Variants in GTSF1 observed in about 807,000 individuals in gnomAD.
GTSF1 encodes gametocyte specific factor 1.
Under a neutral mutation model 28.9 loss-of-function variants are expected in GTSF1, and 11 were observed. The observed-to-expected ratio is 0.38, with a 90% confidence interval of 0.24 to 0.63. The LOEUF (loss-of-function observed/expected upper bound fraction) is 0.63. Ranked by LOEUF, GTSF1 falls within the 30% of genes least tolerant of loss-of-function variation. The pLI, the probability that GTSF1 is intolerant of heterozygous loss-of-function variation, is 0.56. For missense variants in GTSF1, 146 were observed against 201.0 expected (o/e 0.73, Z 1.66); for synonymous variants, 69 against 65.6 (o/e 1.05, Z -0.25).
chr12:54,469,459 T>G (rs1008465460), intron 2 of GTSF1, among the ~76,000 whole-genome samples: 4 of 151,418 alleles, frequency 2.6e-5, no homozygotes, highest in African/African-American at 4.9e-5. Flanking sequence ...AGGCCAAGGT[T>G]GGTGGATCAC....
At chr12:54,459,160 T>C (rs934636592) in intron 7 of GTSF1, 35 bp from the exon 8 acceptor site, 3 of 1,587,208 alleles carry the variant, frequency 1.9e-6, no homozygotes, top group Admixed American at 1.7e-5. Flanking sequence ...AAATACACCA[T>C]GTCAATTGAA....
intron 2 of GTSF1, 52 bp from the exon 3 acceptor site, chr12:54,465,219 A>G: frequency 1.7e-6 from 2 of 1,197,298 alleles, no homozygotes; most frequent in South Asian, 1.2e-5. Context: ...CCCTTGTAAA[A>G]CTACAGCATT....
intron 1 of GTSF1, chr12:54,471,669 T>C (rs1263328310): frequency 1.3e-5 from 2 of 152,984 alleles, no homozygotes; most frequent in African/African-American, 4.8e-5. Context: ...TAAATATCCA[T>C]ATAATATTTA....
In GTSF1 at chr12:54,463,213, TATG is replaced by T; in HGVS notation, c.199_201del (p.His67del). ...CAACTTCTGTCATCACAGCTTGAGA[TATG>T]ATGACTAATTTCAGCTCGAGGAACC... On this transcript the variant is annotated inframe_deletion, in exon 4 of 9. Coordinates refer to ENST00000305879, the MANE Select transcript of GTSF1 (RefSeq NM_144594.3). The T allele has an allele frequency of 6.2e-7, 1 of 1,614,046 alleles. No individual in the cohort carries two copies. Among genetic ancestry groups the T allele is most frequent in the Non-Finnish European group, 8.5e-7 (1 of 1,179,888 alleles).
At chr12:54,465,274 A>G in intron 2 of GTSF1, 107 bp from the exon 3 acceptor site, 1 of 605,134 alleles carries the variant, frequency 1.7e-6, no homozygotes, top group East Asian at 2.8e-5. Flanking sequence ...ATAATAGAAC[A>G]ATATAGTCTA....
rs61663475 is a variant in GTSF1, at chr12:54,471,481, T to C, written c.-29-204A>G. The stretch of plus-strand genomic sequence containing the variant: ...AACATCATGGCCTAATTCACATTCT[T>C]GGAATAAATTCTAGGGCCTACCAAA... On this transcript the variant is annotated intron_variant, in intron 1 of 8. Coordinates refer to ENST00000305879, the MANE Select transcript of GTSF1 (RefSeq NM_144594.3). Among the ~76,000 whole-genome samples, 369 of 152,296 alleles carry C rather than the reference T, an allele frequency of 2.4e-3. 2 individuals are homozygous for C. Among genetic ancestry groups the C allele is most frequent in the African/African-American group, 8.0e-3 (333 of 41,564 alleles).
rs748877991 is a variant in GTSF1 at position 54,463,163 on chromosome 12, A to G, written c.244+8T>C. Reference sequence around the variant, plus strand: ...CAGTACTGAAATATTTTAGATACTAAGTCTTACCAACATCTTGCTCAATAC... The same window carrying G: ...CAGTACTGAAATATTTTAGATACTAGGTCTTACCAACATCTTGCTCAATAC... On this transcript the variant is annotated splice_region_variant and intron_variant, in intron 4 of 8. Coordinates refer to ENST00000305879, the MANE Select transcript of GTSF1 (RefSeq NM_144594.3). 2.5e-6 allele frequency: 4 copies of G among 1,612,916 alleles called. No individual in the cohort carries two copies. Among genetic ancestry groups the G allele is most frequent in the Non-Finnish European group, 3.4e-6 (4 of 1,179,404 alleles).
chr12:54,469,998 C>T (rs552359921), intron 2 of GTSF1, among the ~76,000 whole-genome samples: 94 of 152,194 alleles, frequency 6.2e-4, no homozygotes, highest in Admixed American at 1.6e-3. Context: ...CGGTGAAACC[C>T]GGCCGGTCTC....
At chr12:54,469,999 G>A (rs1239226636) in intron 2 of GTSF1, among the ~76,000 whole-genome samples, 3 of 152,038 alleles carry the variant, frequency 2.0e-5, no homozygotes, top group Non-Finnish European at 1.5e-5. Flanking sequence ...GGTGAAACCC[G>A]GCCGGTCTCT....
At chr12:54,470,252 G>T (rs1318461941) in intron 2 of GTSF1, among the ~76,000 whole-genome samples, 1 of 152,174 alleles carries the variant, frequency 6.6e-6, no homozygotes, top group South Asian at 2.1e-4. Flanking sequence ...CCTCAGATCA[G>T]CATCACCCTG....
chr12:54,471,976 C>T (rs2120809273), intron 1 of GTSF1: 1 of 152,408 alleles, frequency 6.6e-6, no homozygotes, highest in East Asian at 1.9e-4. Flanking sequence ...GCAGGCAGAT[C>T]ACTTAAGTCC....
intron 6 of GTSF1, among the ~76,000 whole-genome samples, 184 bp downstream of exon 6, chr12:54,461,925 C>G (rs570538426): frequency 6.6e-6 from 1 of 152,230 alleles, no homozygotes; most frequent in African/African-American, 2.4e-5. Context: ...ATGATTGGCA[C>G]AAAGCACATG....
At position 54,462,661 on chromosome 12, in the gene GTSF1, G is replaced by A. The variant is rs375120595; in HGVS notation, c.309C>T (p.Cys103=). The A allele has an allele frequency of 1.8e-5, 29 of 1,613,492 alleles. No individual in the cohort carries two copies. The African/African-American group carries it at 1.9e-4, about 10-fold the overall frequency. The stretch of plus-strand genomic sequence containing the variant: ...GCTCACCTTTATCCCAGTCTTCATC[G>A]CAAGGAGGGCACTGCCAAGTGCTCT... ...LAESTWQCPP[C]DEDWDKDLWE... is the part of the protein sequence containing the mutation. The change falls in exon 5 of 9, where the codon TGC becomes TGT. Residue 103 remains cysteine, a synonymous_variant. Transcript: ENST00000305879.
intron 2 of GTSF1, among the ~76,000 whole-genome samples, chr12:54,465,397 C>T (rs1956496047): frequency 6.6e-6 from 1 of 152,072 alleles, no homozygotes; most frequent in African/African-American, 2.4e-5. Flanking sequence ...TCATATTGAA[C>T]TGAACATATT....
intron 1 of GTSF1, 123 bp downstream of exon 1, chr12:54,473,423 A>G (rs1228763922): frequency 6.6e-6 from 1 of 152,228 alleles, no homozygotes; most frequent in Admixed American, 6.5e-5. Flanking sequence ...AAATAGCTGC[A>G]TTGAGAGCCC....
chr12:54,471,388 A>C, intron 1 of GTSF1, 111 bp from the exon 2 acceptor site: 1 of 563,958 alleles, frequency 1.8e-6, no homozygotes, highest in South Asian at 3.1e-5. Context: ...TCAATATAAG[A>C]AACCTTTACT....
chr12:54,459,335 G>A, intron 7 of GTSF1: 1 of 1,438,438 alleles, frequency 7.0e-7, no homozygotes, highest in South Asian at 1.4e-5. Context: ...CATATAATTT[G>A]GTGACTTCAT....
At chr12:54,468,661 T>C (rs924981842) in intron 2 of GTSF1, among the ~76,000 whole-genome samples, 1 of 152,120 alleles carries the variant, frequency 6.6e-6, no homozygotes, top group Non-Finnish European at 1.5e-5. Context: ...TGGAGAAAAC[T>C]TCATGGAAAT....
chr12:54,457,251 A>C (rs924422464), intron 8 of GTSF1, among the ~76,000 whole-genome samples: 25 of 152,234 alleles, frequency 1.6e-4, no homozygotes, highest in African/African-American at 5.8e-4. Context: ...TTAACCATAA[A>C]GAGTTAAGTC....
Sources: allele counts gnomAD v4.1 joint callset (sites outside exome capture counted in the v4.1 genomes callset), GRCh38; gene constraint gnomAD v4.1.1; transcripts MANE v1.5; gene names NCBI Gene and HGNC (gene_info 2026-07-23, HGNC 2026-07-21).